Variants in AGBL2 observed in about 807,000 individuals in gnomAD.
The protein encoded by AGBL2 is AGBL carboxypeptidase 2.
Under a neutral mutation model 103.0 loss-of-function variants are expected in AGBL2, and 87 were observed. That is an observed-to-expected ratio of 0.84 (90% CI 0.71 to 1.01). The LOEUF is 1.01. AGBL2 is among the 50% of genes least tolerant of loss of function. The probability of loss-of-function intolerance (pLI) is 0.00; values close to 1 mark genes in which losing one functional copy is unlikely to be tolerated. For missense variants in AGBL2, 904 were observed against 1,023.5 expected (o/e 0.88, Z 1.59); for synonymous variants, 335 against 356.7 (o/e 0.94, Z 0.69).
At chr11:47,707,129 G>T (rs1599097691) in intron 4 of AGBL2, among the ~76,000 whole-genome samples, 1 of 152,144 alleles carries the variant, frequency 6.6e-6, no homozygotes. Context: ...AACCCGGCAG[G>T]TGGAGGTTGC....
intron 10 of AGBL2, among the ~76,000 whole-genome samples, chr11:47,689,627 T>C (rs1461363347): frequency 1.3e-5 from 2 of 152,146 alleles, no homozygotes; most frequent in East Asian, 3.9e-4. Flanking sequence ...TTCTGTATCA[T>C]ACAACATGCG....
chr11:47,676,860 TA>T (rs1441739734), intron 14 of AGBL2, among the ~76,000 whole-genome samples: 1 of 147,658 alleles, frequency 6.8e-6, no homozygotes, highest in East Asian at 2.0e-4. Flanking sequence ...CAAACCATGA[TA>T]TTTCTCTACT....
intron 17 of AGBL2, among the ~76,000 whole-genome samples, chr11:47,665,750 C>A (rs2153802643): frequency 6.6e-6 from 1 of 152,224 alleles, no homozygotes; most frequent in African/African-American, 2.4e-5. Flanking sequence ...TGGCTCACAC[C>A]TGTAATCCCA....
chr11:47,679,926 G>A, intron 13 of AGBL2, 47 bp downstream of exon 13: 2 of 1,248,800 alleles, frequency 1.6e-6, no homozygotes, highest in Non-Finnish European at 1.2e-6. Context: ...ACAGGTGTGA[G>A]CCACCATGCC....
chr11:47,713,983 G>T (rs767145082), intron 3 of AGBL2: 3 of 278,740 alleles, frequency 1.1e-5, no homozygotes, highest in Non-Finnish European at 2.1e-5. Flanking sequence ...TCCAGATAAA[G>T]ACTATTTTAA....
At chr11:47,683,764 C>T (rs1346691115) in intron 11 of AGBL2, among the ~76,000 whole-genome samples, 6 of 149,378 alleles carry the variant, frequency 4.0e-5, no homozygotes, top group Non-Finnish European at 7.4e-5. Flanking sequence ...GAGTGAGACT[C>T]CATCTCAAAA....
intron 12 of AGBL2, 125 bp from the exon 13 acceptor site, chr11:47,680,198 T>C (rs2097395986): frequency 1.8e-6 from 1 of 548,562 alleles, no homozygotes. Context: ...ACGCCTGTAA[T>C]CCCAGCACTT....
chr11:47,682,196 T>A lies in AGBL2; in HGVS notation c.1789-101A>T, dbSNP rs367772382. The A allele has an allele frequency of 3.2e-5, 38 of 1,202,016 alleles. No homozygotes were observed. The East Asian group carries it at 5.6e-4, about 18-fold the overall frequency. 74.5% of individuals were successfully genotyped at this position (1,202,016 alleles called of 1,614,324 possible). A position where few individuals can be genotyped will look rare whatever the true frequency, so the allele number is the denominator to read the frequency against. The stretch of plus-strand genomic sequence containing the variant: ...AAGAATAATTTCCTTGGGGTCCATA[T>A]GTTATTTCCCAAAGCATGTTCCACA... On this transcript the variant is annotated intron_variant, in intron 11 of 18. Transcript: ENST00000525123.
intron 9 of AGBL2, among the ~76,000 whole-genome samples, chr11:47,691,729 A>T (rs796863902): frequency 0.011 from 52 of 4,860 alleles, 3 homozygotes; most frequent in African/African-American, 0.032. Flanking sequence ...AAAAAAAAAA[A>T]ATATATATAT....
intron 12 of AGBL2, 80 bp from the exon 13 acceptor site, chr11:47,680,153 T>C: frequency 1.0e-6 from 1 of 992,130 alleles, no homozygotes; most frequent in Non-Finnish European, 1.5e-6. Flanking sequence ...GATTATCTTT[T>C]TAAAAATACC....
At chr11:47,678,343 A>ATTATTATT (rs2097385523) in intron 13 of AGBL2, among the ~76,000 whole-genome samples, 2 of 116,864 alleles carry the variant, frequency 1.7e-5, no homozygotes, top group East Asian at 5.9e-4. Flanking sequence ...TTATTATTTT[A>ATTATTATT]TTTTTTTTGA....
chr11:47,682,117 C>T, intron 11 of AGBL2, 22 bp from the exon 12 acceptor site: 1 of 1,605,944 alleles, frequency 6.2e-7, no homozygotes, highest in South Asian at 1.1e-5. Context: ...TCCAAATTTT[C>T]TGTTAATCAT....
At chr11:47,692,384 T>C (rs2097450888) in intron 8 of AGBL2, 128 bp from the exon 9 acceptor site, 2 of 468,060 alleles carry the variant, frequency 4.3e-6, no homozygotes, top group South Asian at 6.7e-5. Flanking sequence ...TTTTCAACTA[T>C]CTTTGCAGAG....
intron 9 of AGBL2, among the ~76,000 whole-genome samples, chr11:47,691,489 C>T (rs945968188): frequency 1.8e-4 from 27 of 149,770 alleles, no homozygotes; most frequent in African/African-American, 5.9e-4. Context: ...GGGCAGATCG[C>T]GAAATCAGGA....
At chr11:47,706,899 A>G (rs2097522437) in intron 4 of AGBL2, among the ~76,000 whole-genome samples, 1 of 146,870 alleles carries the variant, frequency 6.8e-6, no homozygotes, top group South Asian at 2.2e-4. Context: ...TCCAAAAAAA[A>G]AAAAAAAAAA....
Position 47,669,003 on chromosome 11 carries a change from G to A in AGBL2, c.2148-96C>T. 4 of 797,736 alleles carry A rather than the reference G, an allele frequency of 5.0e-6. No homozygotes were observed. The East Asian group carries it at 9.9e-5, about 20-fold the overall frequency. 49.4% of individuals were successfully genotyped at this position (797,736 alleles called of 1,614,324 possible). ...GACCAGCTGTATGGGATTAGGATTA[G>A]GATATCTTCTAGTCTACTATTTCTC... is the stretch of plus-strand genomic sequence containing the variant. On this transcript the variant is annotated intron_variant, in intron 14 of 18. Coordinates refer to ENST00000525123, the MANE Select transcript of AGBL2 (RefSeq NM_024783.4).
At chr11:47,686,415 C>T (rs1375114668) in intron 10 of AGBL2, among the ~76,000 whole-genome samples, 3 of 150,660 alleles carry the variant, frequency 2.0e-5, no homozygotes, top group African/African-American at 7.3e-5. Flanking sequence ...ACTACAGGCA[C>T]ACACCAATAC....
chr11:47,698,694 C>T (rs1157838074), intron 8 of AGBL2, among the ~76,000 whole-genome samples: 2 of 152,134 alleles, frequency 1.3e-5, no homozygotes, highest in Non-Finnish European at 2.9e-5. Context: ...ATTTTCACTA[C>T]ATTCAAAATA....
chr11:47,714,891 A>G (rs186782110), intron 1 of AGBL2, 141 bp from the exon 2 acceptor site: 6 of 544,774 alleles, frequency 1.1e-5, no homozygotes, highest in Admixed American at 3.1e-5. Flanking sequence ...CCAGAGGTGC[A>G]TCTGAGACAG....
Sources: gnomAD v4.1 joint callset for allele counts (sites outside exome capture counted in the v4.1 genomes callset) on GRCh38, gnomAD v4.1.1 for gene constraint, MANE v1.5 for transcripts, NCBI Gene and HGNC (gene_info 2026-07-23, HGNC 2026-07-21) for gene names.